The following PCDH15 variants were observed in gnomAD, a reference collection of about 807,000 sequenced individuals.
The protein encoded by PCDH15 is protocadherin related 15, also known as protocadherin-15.
In PCDH15, 129 loss-of-function variants were observed where a neutral mutation model predicts 178.5. That is an observed-to-expected ratio of 0.72 (90% confidence interval 0.63 to 0.84). The LOEUF is 0.84. Ranked by LOEUF, PCDH15 falls within the 40% of genes least tolerant of loss-of-function variation. The pLI, the probability that PCDH15 is intolerant of heterozygous loss-of-function variation, is 0.00. For missense variants in PCDH15, 2,230 were observed against 2,099.9 expected (o/e 1.06, Z -1.21); for synonymous variants, 800 against 732.0 (o/e 1.09, Z -1.50).
chr10:55,087,030 T>C (rs1014850862), intron 2 of PCDH15, among the ~76,000 whole-genome samples: 3 of 152,080 alleles, frequency 2.0e-5, no homozygotes, highest in African/African-American at 7.2e-5. Context: ...ATCAAAGTTT[T>C]ACAAACCAAA....
intron 1 of PCDH15, among the ~76,000 whole-genome samples, chr10:55,199,828 G>GT (rs1840194147): frequency 6.6e-6 from 1 of 152,116 alleles, no homozygotes; most frequent in Non-Finnish European, 1.5e-5. Context: ...GCACCAGGGG[G>GT]TGCAAGCCCT....
At chr10:54,629,636 A>G (rs1280779161) in intron 2 of PCDH15, among the ~76,000 whole-genome samples, 5 of 152,164 alleles carry the variant, frequency 3.3e-5, no homozygotes, top group Admixed American at 2.6e-4. Flanking sequence ...GCAAAATCAT[A>G]CTGAATGGAC....
chr10:55,224,348 T>C (rs1414816846), intron 1 of PCDH15, among the ~76,000 whole-genome samples: 2 of 152,144 alleles, frequency 1.3e-5, no homozygotes, highest in Non-Finnish European at 2.9e-5. Context: ...CTTCTCTCCT[T>C]GCATAAGGGC....
At chr10:55,335,547 A>G (rs1199408748) in intron 2 of PCDH15, among the ~76,000 whole-genome samples, 1 of 152,196 alleles carries the variant, frequency 6.6e-6, no homozygotes, top group African/African-American at 2.4e-5. Flanking sequence ...CGTAGGGATA[A>G]TTGCTAGTAA....
At chr10:53,930,577 C>T (rs539731494) in intron 25 of PCDH15, among the ~76,000 whole-genome samples, 1 of 151,116 alleles carries the variant, frequency 6.6e-6, no homozygotes, top group South Asian at 2.1e-4. Flanking sequence ...CAGAGATTGG[C>T]TCTTCTGCTG....
intron 7 of PCDH15, among the ~76,000 whole-genome samples, chr10:54,323,774 G>A (rs1221935625): frequency 6.7e-6 from 1 of 150,272 alleles, no homozygotes; most frequent in African/African-American, 2.5e-5. Context: ...CCACCTGAGT[G>A]CAATACACCC....
chr10:53,896,336 G>A (rs1226081952), intron 26 of PCDH15, among the ~76,000 whole-genome samples: 2 of 152,118 alleles, frequency 1.3e-5, no homozygotes, highest in Non-Finnish European at 2.9e-5. Flanking sequence ...AATATTACAA[G>A]TATTCATCAC....
chr10:55,217,820 A>G (rs1485591368), intron 1 of PCDH15, among the ~76,000 whole-genome samples: 1 of 151,990 alleles, frequency 6.6e-6, no homozygotes, highest in Non-Finnish European at 1.5e-5. Flanking sequence ...TTATGTCTTA[A>G]TCAAGGGGTG....
intron 6 of PCDH15, among the ~76,000 whole-genome samples, chr10:54,338,273 G>A (rs1388228011): frequency 6.6e-6 from 1 of 152,016 alleles, no homozygotes; most frequent in Non-Finnish European, 1.5e-5. Flanking sequence ...AATTTATGGA[G>A]GCATGGAAAT....
intron 15 of PCDH15, among the ~76,000 whole-genome samples, chr10:54,127,636 T>C (rs548415724): frequency 5.9e-5 from 9 of 152,336 alleles, no homozygotes; most frequent in African/African-American, 1.2e-4. Flanking sequence ...TTAACTCTTA[T>C]AGTACCTTCA....
intron 21 of PCDH15, among the ~76,000 whole-genome samples, chr10:53,974,152 C>T (rs1027516945): frequency 6.6e-6 from 1 of 152,004 alleles, no homozygotes; most frequent in African/African-American, 2.4e-5. Flanking sequence ...CAAGTAGCTG[C>T]GATTACAGGG....
chr10:54,917,106 C>G (rs191665388), intron 2 of PCDH15, among the ~76,000 whole-genome samples: 4 of 152,170 alleles, frequency 2.6e-5, no homozygotes, highest in African/African-American at 9.6e-5. Flanking sequence ...TGGTACTGGA[C>G]AAGAGTAATA....
At chr10:54,596,946 C>G (rs1349483051) in intron 2 of PCDH15, among the ~76,000 whole-genome samples, 1 of 152,062 alleles carries the variant, frequency 6.6e-6, no homozygotes, top group Non-Finnish European at 1.5e-5. Flanking sequence ...GATTTATAAA[C>G]CAAGTTCTTA....
intron 2 of PCDH15, chr10:54,600,323 A>G: frequency 1.8e-6 from 1 of 541,120 alleles, no homozygotes; most frequent in Non-Finnish European, 3.6e-6. Flanking sequence ...GAATCCAGGA[A>G]GAAAGACATA....
At chr10:55,089,396 TATC>T (rs35006754) in intron 2 of PCDH15, among the ~76,000 whole-genome samples, 35,430 of 151,876 alleles carry the variant, frequency 0.23, 4,679 homozygotes, top group African/African-American at 0.35. Context: ...AAAATAAAAA[TATC>T]ATTTTCTCTA....
intron 2 of PCDH15, among the ~76,000 whole-genome samples, chr10:55,136,839 C>A (rs928749337): frequency 3.9e-5 from 6 of 152,058 alleles, no homozygotes; most frequent in African/African-American, 1.2e-4. Context: ...CTAAAATAAA[C>A]AATTAGGTGT....
At chr10:55,552,528 C>G (rs1589133362) in intron 2 of PCDH15, among the ~76,000 whole-genome samples, 1 of 151,392 alleles carries the variant, frequency 6.6e-6, no homozygotes, top group East Asian at 1.9e-4. Flanking sequence ...ATTGTAACCT[C>G]AATTCCTATC....
chr10:54,092,432 C>T (rs2094614112), intron 15 of PCDH15, among the ~76,000 whole-genome samples: 1 of 152,000 alleles, frequency 6.6e-6, no homozygotes, highest in Non-Finnish European at 1.5e-5. Context: ...CTATTGCTTT[C>T]TCCCCCAGCT....
At chr10:53,967,110 A>G (rs1017619800) in intron 21 of PCDH15, among the ~76,000 whole-genome samples, 3 of 152,112 alleles carry the variant, frequency 2.0e-5, no homozygotes, top group Non-Finnish European at 4.4e-5. Flanking sequence ...ACCTGGTGGG[A>G]GGTAACTTAA....
Sources: gnomAD v4.1 joint callset for allele counts (sites outside exome capture counted in the v4.1 genomes callset) on GRCh38, gnomAD v4.1.1 for gene constraint, MANE v1.5 for transcripts, NCBI Gene and HGNC (gene_info 2026-07-23, HGNC 2026-07-21) for gene names.